Variants in BAHCC1 observed in about 807,000 individuals in gnomAD.
BAHCC1 encodes BAH and coiled-coil domain-containing protein 1.
Under a neutral mutation model 88.2 loss-of-function variants are expected in BAHCC1, and 43 were observed. The ratio of observed to expected loss-of-function variants is 0.49; its 90% CI spans 0.38 to 0.63. The LOEUF (loss-of-function observed/expected upper bound fraction) is 0.63. Ranked by LOEUF, BAHCC1 falls within the 20% of genes least tolerant of loss-of-function variation. The pLI, the probability that BAHCC1 is intolerant of heterozygous loss-of-function variation, is 0.00. For synonymous variants in BAHCC1, 1,510 were observed against 745.5 expected (o/e 2.03, Z -16.71); for missense variants, 3,023 against 1,654.8 (o/e 1.83, Z -14.34).
At chr17:81,457,094 A>G (rs2064763430) in intron 16 of BAHCC1, among the ~76,000 whole-genome samples, 1 of 152,110 alleles carries the variant, frequency 6.6e-6, no homozygotes, top group African/African-American at 2.4e-5. Flanking sequence ...GCAGAGGGCC[A>G]TCTGGGCGGA....
In BAHCC1 at chr17:81,411,133, C is replaced by T. The variant is rs782094569; in HGVS notation, c.178+11216C>T. The T allele has an allele frequency of 2.3e-5, 12 of 519,392 alleles. No individual in the cohort carries two copies. Among genetic ancestry groups the T allele is most frequent in the Non-Finnish European group, 4.2e-5 (11 of 259,818 alleles). The allele number at this position is 519,392 out of a possible 1,614,324, so 32.2% of individuals were successfully genotyped here. ...CCCGCAGCCGTCCTCTGCGTGAGTC[C>T]ATTCATCACGTGCCTGCAGGTGCCT... On this transcript the variant is annotated intron_variant, in intron 2 of 27. Transcript: ENST00000675386. The surrounding 1 kb of genome is among the most constrained non-coding windows in gnomAD (Gnocchi z 6.2).
At chr17:81,439,389 G>A (rs1047731286) in intron 4 of BAHCC1, among the ~76,000 whole-genome samples, 1 of 152,184 alleles carries the variant, frequency 6.6e-6, no homozygotes, top group Non-Finnish European at 1.5e-5. Flanking sequence ...TGGGGGCAGG[G>A]AGGGATAGAG....
chr17:81,415,572 C>T, intron 2 of BAHCC1: 1 of 514,726 alleles, frequency 1.9e-6, no homozygotes. Context: ...CTGTGCTGGC[C>T]CCAGCCCCTT....
intron 2 of BAHCC1, among the ~76,000 whole-genome samples, chr17:81,416,216 ATG>A (rs1248134798): frequency 1.5e-5 from 1 of 66,488 alleles, no homozygotes; most frequent in African/African-American, 6.1e-5. Context: ...GTGTACGTGT[ATG>A]TGTGTCCATG....
intron 2 of BAHCC1, chr17:81,415,535 G>T: frequency 1.9e-6 from 1 of 516,586 alleles, no homozygotes; most frequent in South Asian, 1.4e-5. Context: ...GTGGGGGCCG[G>T]TCCCTGCCCT....
chr17:81,423,936 C>T (rs964934092), intron 2 of BAHCC1, among the ~76,000 whole-genome samples: 4 of 152,180 alleles, frequency 2.6e-5, no homozygotes, highest in East Asian at 1.9e-4. Context: ...AGGAGAAGTG[C>T]GGGGTATCCT....
At chr17:81,415,947 C>T (rs1555648583) in intron 2 of BAHCC1, among the ~76,000 whole-genome samples, 1 of 151,176 alleles carries the variant, frequency 6.6e-6, no homozygotes, top group African/African-American at 2.4e-5. Context: ...CACCTCCAGG[C>T]AGGCCAGGCT....
In BAHCC1 at chr17:81,424,160, G is replaced by A. The variant is rs112510515; in HGVS notation, c.179-2640G>A. ...TCTCCCTCTGCTCGCCTGAGACTGG[G>A]GCACTCCTGTCTGACAAGTCAGTTT... On this transcript the variant is annotated intron_variant, in intron 2 of 27. Transcript: ENST00000675386. 6.6e-3 allele frequency among the ~76,000 whole-genome samples: 1,001 copies of A among 152,316 alleles called. 16 individuals carry two copies. Among genetic ancestry groups the A allele is most frequent in the African/African-American group, 0.023 (958 of 41,570 alleles).
At position 81,464,881 on chromosome 17, in the gene BAHCC1, A is replaced by AG. The variant is rs1555660390; in HGVS notation, c.*1064_*1065insG. On this transcript the variant is annotated 3_prime_UTR_variant, in exon 28 of 28. Transcript: ENST00000675386. ...AGGGCCCAGCTCTGAGCCCCTCCTC[A>AG]CCCCTGGGGTCCTAACTTTCCTGAA... The AG allele has an allele frequency of 1.6e-4, 24 of 151,982 alleles. No individual in the cohort carries two copies. Among genetic ancestry groups the AG allele is most frequent in the African/African-American group, 5.8e-4 (24 of 41,396 alleles). The allele number at this position is 151,982 out of a possible 1,614,324, so 9.4% of individuals were successfully genotyped here.
chr17:81,426,788 C>CTG lies in BAHCC1; in HGVS notation c.179-8_179-7dup. On this transcript the variant is annotated splice_polypyrimidine_tract_variant and intron_variant, in intron 2 of 27. Coordinates refer to ENST00000675386, the MANE Select transcript of BAHCC1 (RefSeq NM_001377448.1). ...AGCTGCCCCCAGAGTCACTCTTGCCCTGTGTCCACAGCCAGCAGCCGCCTG... is the reference window on the plus strand; with the variant it reads ...AGCTGCCCCCAGAGTCACTCTTGCCCTGTGTGTCCACAGCCAGCAGCCGCCTG... 2 of 398,816 alleles carry CTG rather than the reference C, an allele frequency of 5.0e-6. No individual in the cohort carries two copies. The highest frequency in any genetic ancestry group is 8.8e-6 in the Non-Finnish European group (2 of 226,276). The allele number at this position is 398,816 out of a possible 1,614,324, so 24.7% of individuals were successfully genotyped here. A position where few individuals can be genotyped will look rare whatever the true frequency, so the allele number is the denominator to read the frequency against.
At chr17:81,418,917 C>T (rs575858729) in intron 2 of BAHCC1, among the ~76,000 whole-genome samples, 16 of 152,168 alleles carry the variant, frequency 1.1e-4, no homozygotes, top group South Asian at 4.1e-4. Context: ...CAGGTTTGCA[C>T]AGACACACCC....
intron 18 of BAHCC1, 53 bp from the exon 19 acceptor site, chr17:81,458,568 C>T: frequency 1.4e-6 from 1 of 692,430 alleles, no homozygotes. Context: ...TCTGGGTCAA[C>T]CTGAGGCTGT....
chr17:81,397,671 G>A (rs559695682), intron 1 of BAHCC1, among the ~76,000 whole-genome samples: 1 of 152,200 alleles, frequency 6.6e-6, no homozygotes, highest in South Asian at 2.1e-4. Flanking sequence ...TGCGCTCGCA[G>A]CCCCCTCGCC....
intron 4 of BAHCC1, among the ~76,000 whole-genome samples, chr17:81,441,563 G>A (rs2064415667): frequency 6.6e-6 from 1 of 150,934 alleles, no homozygotes; most frequent in South Asian, 2.1e-4. Flanking sequence ...TCGGGAGGCT[G>A]AGACAGGAGA....
rs1568003282 is a variant in BAHCC1 at position 81,418,794 on chromosome 17, T to TGCGTGTGTGTGTGTGCGC, written c.179-7992_179-7991insGCGCGCGTGTGTGTGTGT. On this transcript the variant is annotated intron_variant, in intron 2 of 27. Coordinates refer to ENST00000675386, the MANE Select transcript of BAHCC1 (RefSeq NM_001377448.1). The stretch of plus-strand genomic sequence containing the variant: ...GTGTGTACGTGTGTGTGTACGTGTG[T>TGCGTGTGTGTGTGTGCGC]GCGTGTGTGTGTGTACGTGTGTGTG... Among the ~76,000 whole-genome samples, 54 of 18,652 alleles carry TGCGTGTGTGTGTGTGCGC rather than the reference T, an allele frequency of 2.9e-3. No homozygotes were observed. In the East Asian group the frequency reaches 0.081, roughly 28 times the overall value. 12.2% of individuals were successfully genotyped at this position (18,652 alleles called of 152,430 possible).
intron 3 of BAHCC1, among the ~76,000 whole-genome samples, chr17:81,437,305 C>A (rs1327498869): frequency 2.0e-5 from 3 of 152,250 alleles, no homozygotes; most frequent in African/African-American, 4.8e-5. Context: ...TAAGGCAGGC[C>A]GGCCGGCACT....
chr17:81,435,597 G>T lies in BAHCC1; in HGVS notation c.359-2773G>T, dbSNP rs1418121198. On this transcript the variant is annotated intron_variant, in intron 3 of 27. Transcript: ENST00000675386. The surrounding 1 kb of genome is among the most constrained non-coding windows in gnomAD (Gnocchi z 4.4). ...AGCCCCGACGTTCTAGCAGGAGCTT[G>T]CAGTTGAGGACCTCTGGCTCTGGGT... is the stretch of plus-strand genomic sequence containing the variant. 2 of 435,550 alleles carry T rather than the reference G, an allele frequency of 4.6e-6. No homozygotes were observed. Among genetic ancestry groups the T allele is most frequent in the Admixed American group, 2.5e-5 (1 of 39,926 alleles). 27.0% of individuals were successfully genotyped at this position (435,550 alleles called of 1,614,324 possible). A position where few individuals can be genotyped will look rare whatever the true frequency, so the allele number is the denominator to read the frequency against.
chr17:81,430,030 C>G (rs946561650), intron 3 of BAHCC1, among the ~76,000 whole-genome samples: 2 of 152,162 alleles, frequency 1.3e-5, no homozygotes, highest in Non-Finnish European at 2.9e-5. Context: ...CGCAGCTTAC[C>G]CGAGGCTCGC....
chr17:81,427,432 T>A (rs2064213493), intron 3 of BAHCC1, among the ~76,000 whole-genome samples: 1 of 152,096 alleles, frequency 6.6e-6, no homozygotes, highest in African/African-American at 2.4e-5. Flanking sequence ...CAGGGGCCTG[T>A]CCCAGGACAA....
Sources: gnomAD v4.1 joint callset for allele counts (sites outside exome capture counted in the v4.1 genomes callset) on GRCh38, gnomAD v4.1.1 for gene constraint, Gnocchi (gnomAD v3.1) non-coding constraint, MANE v1.5 for transcripts, NCBI Gene and HGNC (gene_info 2026-07-23, HGNC 2026-07-21) for gene names.